ASAH2: variants seen among roughly 807,000 people sequenced by gnomAD.
ASAH2 encodes the protein N-acylsphingosine amidohydrolase 2, also known as neutral ceramidase.
ASAH2 carries 58 observed loss-of-function variants against 82.9 expected under a neutral mutation model. The ratio of observed to expected loss-of-function variants is 0.70; its 90% CI spans 0.57 to 0.87. The LOEUF (loss-of-function observed/expected upper bound fraction) is 0.87, where lower values mean the gene tolerates loss of function less well. Ranked by LOEUF, ASAH2 falls within the 40% of genes least tolerant of loss-of-function variation. ASAH2 has a pLI of 0.00. For synonymous variants in ASAH2, 276 were observed against 289.7 expected, an observed-to-expected ratio of 0.95 and a Z score of 0.48; for missense variants, 779 against 834.0, an observed-to-expected ratio of 0.93 and a Z score of 0.81.
In ASAH2 at chr10:50,242,630, A is replaced by ATCTCTC. The variant is rs35374449; in HGVS notation, c.510+566_510+571dup. Reference sequence around the variant, plus strand: ...TTGGTTGGTTGCTTGCTCGCTTTCTATCTCTCTCTCTCTCTCCGTCTCCTC... The same window carrying ATCTCTC: ...TTGGTTGGTTGCTTGCTCGCTTTCTATCTCTCTCTCTCTCTCTCTCTCCGTCTCCTC... On this transcript the variant is annotated intron_variant, in intron 4 of 20. Transcript: ENST00000682911. Among the ~76,000 whole-genome samples, 78 of 150,876 alleles carry ATCTCTC rather than the reference A, an allele frequency of 5.2e-4. 4 individuals carry two copies. The highest frequency in any genetic ancestry group is 2.6e-4 in the Admixed American group (4 of 15,154).
chr10:50,233,113 G>T, intron 7 of ASAH2, 71 bp downstream of exon 7: 1 of 1,140,886 alleles, frequency 8.8e-7, no homozygotes, highest in Non-Finnish European at 1.3e-6. Flanking sequence ...TACTATTCTA[G>T]TCTCTTTTCC....
At chr10:50,202,699 C>T in intron 16 of ASAH2, 130 bp downstream of exon 16, 1 of 734,912 alleles carries the variant, frequency 1.4e-6, no homozygotes, top group Non-Finnish European at 2.5e-6. Flanking sequence ...CATCCTCTTA[C>T]CTGTTATACC....
intron 7 of ASAH2, among the ~76,000 whole-genome samples, chr10:50,219,706 G>A (rs1326204720): frequency 2.0e-5 from 3 of 152,222 alleles, no homozygotes; most frequent in African/African-American, 7.2e-5. Flanking sequence ...AAGGGATTAG[G>A]ACTTCAAGAT....
chr10:50,233,704 T>C (rs1846072964), intron 6 of ASAH2, among the ~76,000 whole-genome samples: 1 of 152,076 alleles, frequency 6.6e-6, no homozygotes, highest in African/African-American at 2.4e-5. Flanking sequence ...TTTCTAAAAA[T>C]CATCTCCTTT....
chr10:50,242,192 C>A (rs1280851034), intron 4 of ASAH2, among the ~76,000 whole-genome samples: 1 of 140,858 alleles, frequency 7.1e-6, no homozygotes, highest in East Asian at 2.2e-4. Context: ...AACAAAGCCA[C>A]CTCACTGTTT....
At position 50,236,064 on chromosome 10, in the gene ASAH2, C is replaced by A; in HGVS notation, c.511G>T (p.Val171Phe). 2 of 1,612,772 alleles carry A rather than the reference C, an allele frequency of 1.2e-6. No homozygotes were observed. Among genetic ancestry groups the A allele is most frequent in the East Asian group, 2.2e-5 (1 of 44,866 alleles). The change falls in exon 5 of 21, where the codon GTC (valine) becomes TTC (phenylalanine). Residue 171 changes from valine to phenylalanine, a missense_variant and splice_region_variant. Val to Phe is a conservative substitution (Grantham distance 50). Around this residue, in one of 3 missense-constraint regions of ASAH2, gnomAD observed 759 missense variants for 755.2 expected, o/e 1.00. Coordinates refer to ENST00000682911, the MANE Select transcript of ASAH2 (RefSeq NM_019893.4). The stretch of plus-strand genomic sequence containing the variant: ...TATTTACTCTGCAGTCTGTTCAGGA[C>A]CTTCAAGAAAAAAAGTAATTGAACT... Reference protein sequence around the residue: ...GMVSQRLRLEVLNRLQSKYGS... With the variant: ...GMVSQRLRLEFLNRLQSKYGS...
intron 1 of ASAH2, among the ~76,000 whole-genome samples, chr10:50,249,603 C>A: frequency 6.6e-6 from 1 of 152,180 alleles, no homozygotes; most frequent in South Asian, 2.1e-4. Flanking sequence ...TGATTATGAT[C>A]ATCTTATCTC....
At position 50,222,078 on chromosome 10, in the gene ASAH2, T is replaced by A. The variant is rs1207662366; in HGVS notation, c.894-3448A>T. Among the ~76,000 whole-genome samples, 2 of 152,146 alleles carry A rather than the reference T, an allele frequency of 1.3e-5. 1 individual carries two copies. The highest frequency in any genetic ancestry group is 3.9e-4 in the East Asian group (2 of 5,188). ...CAGGGCGGCCAGAGCAGAATGGATATGGACAAGGAAAGATGGCAGCTGTAT... is the reference window on the plus strand; with the variant it reads ...CAGGGCGGCCAGAGCAGAATGGATAAGGACAAGGAAAGATGGCAGCTGTAT... On this transcript the variant is annotated intron_variant, in intron 7 of 20. Coordinates refer to ENST00000682911, the MANE Select transcript of ASAH2 (RefSeq NM_019893.4).
At chr10:50,245,153 G>A in intron 3 of ASAH2, 69 bp downstream of exon 3, 1 of 1,265,880 alleles carries the variant, frequency 7.9e-7, no homozygotes, top group Non-Finnish European at 1.1e-6. Flanking sequence ...AATCAGAAAT[G>A]AATGCAGGTT....
At chr10:50,241,125 A>G (rs1298161885) in intron 4 of ASAH2, among the ~76,000 whole-genome samples, 3 of 152,200 alleles carry the variant, frequency 2.0e-5, no homozygotes, top group African/African-American at 4.8e-5. Context: ...TGAACAAACC[A>G]TCTTGGAAGT....
At chr10:50,231,976 A>G (rs1846031489) in intron 7 of ASAH2, among the ~76,000 whole-genome samples, 1 of 152,170 alleles carries the variant, frequency 6.6e-6, no homozygotes, top group Non-Finnish European at 1.5e-5. Flanking sequence ...CCCATTTTCA[A>G]ATAGGATAGT....
Position 50,199,046 on chromosome 10 carries a change from A to G in ASAH2, c.1857+5T>C, listed in dbSNP as rs1226920347. 3 of 1,612,974 alleles carry G rather than the reference A, an allele frequency of 1.9e-6. No homozygotes were observed. The highest frequency in any genetic ancestry group is 1.6e-4 in the Middle Eastern group (1 of 6,078). On this transcript the variant is annotated splice_donor_5th_base_variant and intron_variant, in intron 17 of 20. Coordinates refer to ENST00000682911, the MANE Select transcript of ASAH2 (RefSeq NM_019893.4). ...CGCATGCACGCACAAACAATATTTGATTACCGTAGCAATAGCCTTAGCAAG... is the reference window on the plus strand; with the variant it reads ...CGCATGCACGCACAAACAATATTTGGTTACCGTAGCAATAGCCTTAGCAAG...
intron 4 of ASAH2, among the ~76,000 whole-genome samples, chr10:50,242,693 T>A (rs1425668076): frequency 6.6e-6 from 1 of 152,144 alleles, no homozygotes. Flanking sequence ...TTCAAATTTG[T>A]ACAAAAATAA....
rs1589326233 is a variant in ASAH2 at position 50,204,730 on chromosome 10, G to A, written c.1625+131C>T. On this transcript the variant is annotated intron_variant, in intron 14 of 20. Transcript: ENST00000682911. ...CCAGCAAAAGAGGGTAGGAATATTTGCCACTGTCACCAAACAGTACAGTAG... is the reference window on the plus strand; with the variant it reads ...CCAGCAAAAGAGGGTAGGAATATTTACCACTGTCACCAAACAGTACAGTAG... The A allele has an allele frequency of 7.0e-6, 5 of 712,446 alleles. No homozygotes were observed. In the East Asian group the frequency reaches 1.4e-4, roughly 20 times the overall value. The allele number at this position is 712,446 out of a possible 1,614,324, so 44.1% of individuals were successfully genotyped here. A position where few individuals can be genotyped will look rare whatever the true frequency, so the allele number is the denominator to read the frequency against.
At chr10:50,245,882 G>T (rs575343195) in intron 2 of ASAH2, among the ~76,000 whole-genome samples, 12 of 152,138 alleles carry the variant, frequency 7.9e-5, no homozygotes, top group Middle Eastern at 3.4e-3. Flanking sequence ...TTCAGAGTTA[G>T]TCCATTTCCA....
chr10:50,244,023 T>G (rs138882582), intron 3 of ASAH2, among the ~76,000 whole-genome samples: 1 of 152,220 alleles, frequency 6.6e-6, no homozygotes, highest in East Asian at 1.9e-4. Context: ...GCAGATTTAT[T>G]AGGCAAAGTA....
At chr10:50,199,574 C>A (rs1346576404) in intron 16 of ASAH2, among the ~76,000 whole-genome samples, 1 of 150,180 alleles carries the variant, frequency 6.7e-6, no homozygotes, top group Non-Finnish European at 1.5e-5. Flanking sequence ...CATCACAAAG[C>A]CATGAAATTG....
At chr10:50,234,024 T>C (rs1475348582) in intron 6 of ASAH2, among the ~76,000 whole-genome samples, 4 of 152,172 alleles carry the variant, frequency 2.6e-5, no homozygotes, top group Non-Finnish European at 5.9e-5. Flanking sequence ...ATTAATTTAA[T>C]AAATATGCAT....
intron 17 of ASAH2, among the ~76,000 whole-genome samples, chr10:50,197,927 T>A (rs866338169): frequency 0.017 from 2,602 of 151,680 alleles, 1 homozygote; most frequent in African/African-American, 0.057. Context: ...GATTTTATAA[T>A]AGAAATAAAT....
Sources: gnomAD v4.1 joint callset for allele counts (sites outside exome capture counted in the v4.1 genomes callset) on GRCh38, gnomAD v4.1.1 for gene constraint, gnomAD v4.1.1 regional missense constraint, MANE v1.5 for transcripts, NCBI Gene and HGNC (gene_info 2026-07-23, HGNC 2026-07-21) for gene names.